The following DGKE variants were observed in gnomAD, a reference collection of about 807,000 sequenced individuals.
The protein encoded by DGKE is diacylglycerol kinase epsilon, also known as DAG kinase epsilon.
In DGKE, 53 loss-of-function variants were observed where a neutral mutation model predicts 70.0. That is an observed-to-expected ratio of 0.76 (90% CI 0.61 to 0.95). The LOEUF (loss-of-function observed/expected upper bound fraction) is 0.95, where lower values mean the gene tolerates loss of function less well. Among genes scored for constraint, DGKE ranks in the 40% least tolerant of loss-of-function variants. DGKE has a pLI of 0.00. For missense variants in DGKE, 655 were observed against 706.9 expected (o/e 0.93, Z 0.83); for synonymous variants, 291 against 257.0 (o/e 1.13, Z -1.27).
intron 6 of DGKE, 140 bp from the exon 7 acceptor site, chr17:56,849,041 T>G: frequency 8.6e-7 from 1 of 1,166,664 alleles, no homozygotes; most frequent in Non-Finnish European, 1.2e-6. Flanking sequence ...CACTGAGTAC[T>G]TATCCCTAAA....
intron 10 of DGKE, 69 bp downstream of exon 10, chr17:56,861,987 T>G: frequency 1.3e-6 from 2 of 1,545,312 alleles, no homozygotes; most frequent in Non-Finnish European, 1.7e-6. Flanking sequence ...TTTATAGACT[T>G]TAACATTTTT....
rs1046385451 is a variant in DGKE at position 56,863,523 on chromosome 17, T to C, written c.*732T>C. On this transcript the variant is annotated 3_prime_UTR_variant, in exon 12 of 12. Coordinates refer to ENST00000284061, the MANE Select transcript of DGKE (RefSeq NM_003647.3). ...GGTAAGAAATAAGATTCAGAGCACT[T>C]GGGATTGTAAGTTATAGGTTCTGAG... The C allele has an allele frequency of 6.6e-6, 1 of 152,168 alleles. No homozygotes were observed. The highest frequency in any genetic ancestry group is 2.4e-5 in the African/African-American group (1 of 41,436). 9.4% of individuals were successfully genotyped at this position (152,168 alleles called of 1,614,324 possible). A position where few individuals can be genotyped will look rare whatever the true frequency, so the allele number is the denominator to read the frequency against.
At chr17:56,855,703 A>T (rs1240251517) in intron 7 of DGKE, among the ~76,000 whole-genome samples, 7 of 152,126 alleles carry the variant, frequency 4.6e-5, no homozygotes, top group Admixed American at 1.3e-4. Context: ...TTTGGTTTAG[A>T]GAAGATTAGC....
Position 56,835,179 on chromosome 17 carries a change from CCGGGGCAACGTGCCCCT to C in DGKE, c.385_401del (p.Arg129ValfsTer31). On this transcript the variant is annotated frameshift_variant, in exon 2 of 12. Transcript: ENST00000284061. LOFTEE classifies it high-confidence loss of function. ...TGGACGCCATGCCCCACCACTGGAT[CCGGGGCAACGTGCCCCT>C]GTGCAGTTACTGTATGGTTTGCAAG... The C allele has an allele frequency of 6.2e-7, 1 of 1,614,126 alleles. No homozygotes were observed. Among genetic ancestry groups the C allele is most frequent in the Non-Finnish European group, 8.5e-7 (1 of 1,180,046 alleles).
In DGKE at chr17:56,864,422, G is replaced by A. The variant is rs751407024; in HGVS notation, c.*1631G>A. The A allele has an allele frequency of 2.0e-5, 3 of 152,160 alleles. No homozygotes were observed. The highest frequency in any genetic ancestry group is 2.9e-5 in the Non-Finnish European group (2 of 68,044). 9.4% of individuals were successfully genotyped at this position (152,160 alleles called of 1,614,324 possible). ...AAAGAGCAACTTAGTAATGTATACAGTAGTCAGTACATTTTATGAAATACT... is the reference window on the plus strand; with the variant it reads ...AAAGAGCAACTTAGTAATGTATACAATAGTCAGTACATTTTATGAAATACT... On this transcript the variant is annotated 3_prime_UTR_variant, in exon 12 of 12. Coordinates refer to ENST00000284061, the MANE Select transcript of DGKE (RefSeq NM_003647.3).
rs768623816 is a variant in DGKE at position 56,856,576 on chromosome 17, C to G, written c.1163C>G (p.Ala388Gly). Residue 388 changes from alanine to glycine, a missense_variant, in exon 8 of 12, where the codon GCT becomes GGT. Transcript: ENST00000284061. ...PDALMALNFH[A>G]HREKAPSLFS... ...GCTCTCATGGCTCTCAATTTTCATG[C>G]TCATCGTGAGAAGGCACCATCTCTG... 10 of 1,613,844 alleles carry G rather than the reference C, an allele frequency of 6.2e-6. No individual in the cohort carries two copies. Among genetic ancestry groups the G allele is most frequent in the Non-Finnish European group, 8.5e-6 (10 of 1,179,904 alleles).
In DGKE at chr17:56,866,874, C is replaced by T. The variant is rs1389163993; in HGVS notation, c.*4083C>T. ...GCCACTACTATAATGACTTTGTCAC[C>T]TAATTGATTTTCTACTAATTTTTAC... On this transcript the variant is annotated 3_prime_UTR_variant, in exon 12 of 12. Coordinates refer to ENST00000284061, the MANE Select transcript of DGKE (RefSeq NM_003647.3). The T allele has an allele frequency of 6.6e-6, 1 of 152,184 alleles. No homozygotes were observed. The highest frequency in any genetic ancestry group is 2.4e-5 in the African/African-American group (1 of 41,442). 9.4% of individuals were successfully genotyped at this position (152,184 alleles called of 1,614,324 possible).
chr17:56,862,434 G>C (rs944074221), intron 11 of DGKE, 178 bp from the exon 12 acceptor site: 2 of 855,536 alleles, frequency 2.3e-6, no homozygotes, highest in Non-Finnish European at 3.5e-6. Flanking sequence ...AGATCCATGA[G>C]ATAAAACGTT....
At chr17:56,853,728 C>T (rs1907782144) in intron 7 of DGKE, among the ~76,000 whole-genome samples, 1 of 152,118 alleles carries the variant, frequency 6.6e-6, no homozygotes. Flanking sequence ...CAAATTAGTA[C>T]AACCATTTTG....
intron 3 of DGKE, among the ~76,000 whole-genome samples, chr17:56,845,181 C>G (rs912954391): frequency 6.6e-6 from 1 of 152,060 alleles, no homozygotes; most frequent in African/African-American, 2.4e-5. Flanking sequence ...TTTCATTTGA[C>G]TTTGAGCTAT....
At chr17:56,854,930 G>A (rs965212503) in intron 7 of DGKE, among the ~76,000 whole-genome samples, 1 of 152,106 alleles carries the variant, frequency 6.6e-6, no homozygotes, top group Non-Finnish European at 1.5e-5. Context: ...CTCTATAGAA[G>A]AACATCCAAA....
At position 56,868,287 on chromosome 17, in the gene DGKE, C is replaced by G. The variant is rs1004830638; in HGVS notation, c.*5496C>G. On this transcript the variant is annotated 3_prime_UTR_variant, in exon 12 of 12. Coordinates refer to ENST00000284061, the MANE Select transcript of DGKE (RefSeq NM_003647.3). ...CGTTTGTTCTCAGTCCAGTTCAGGG[C>G]TCTGCCAGCAGTCTTTCAGATCTGA... 3 of 152,262 alleles carry G rather than the reference C, an allele frequency of 2.0e-5. No homozygotes were observed. Among genetic ancestry groups the G allele is most frequent in the Non-Finnish European group, 4.4e-5 (3 of 68,058 alleles). 9.4% of individuals were successfully genotyped at this position (152,262 alleles called of 1,614,324 possible). A position where few individuals can be genotyped will look rare whatever the true frequency, so the allele number is the denominator to read the frequency against.
Position 56,848,166 on chromosome 17 carries a change from G to T in DGKE, c.888+101G>T, listed in dbSNP as rs150176020. On this transcript the variant is annotated intron_variant, in intron 5 of 11. Transcript: ENST00000284061. ...TTGTTGTTGTTTTGTTGTTGTTGTT[G>T]TTTTTTCTTGAGATACAGTCTCGCA... 1,632 of 811,504 alleles carry T rather than the reference G, an allele frequency of 2.0e-3. 10 individuals carry two copies. The Middle Eastern group carries it at 0.025, about 12-fold the overall frequency. 50.3% of individuals were successfully genotyped at this position (811,504 alleles called of 1,614,324 possible).
chr17:56,834,647 GGC>G, intron 1 of DGKE, 129 bp from the exon 2 acceptor site: 1 of 855,694 alleles, frequency 1.2e-6, no homozygotes. Flanking sequence ...GGGGGGACGA[GGC>G]GCAGTCCCGC....
At position 56,862,207 on chromosome 17, in the gene DGKE, A is replaced by T. The variant is rs1388934422; in HGVS notation, c.1480A>T (p.Lys494Ter). Reference sequence around the variant, plus strand: ...TTTCCACTGTGCTCAGATTCAAGTAAAACTGGCTAATCCTTTTCGAATAGG... The same window carrying T: ...TTTCCACTGTGCTCAGATTCAAGTATAACTGGCTAATCCTTTTCGAATAGG... The part of the protein sequence containing the change: ...GSFHCAQIQV[K>*]LANPFRIGQA... The change falls in exon 11 of 12, where the codon AAA becomes TAA. Residue 494 changes from lysine to a stop codon, truncating the protein, a stop_gained. Transcript: ENST00000284061. LOFTEE classifies it high-confidence loss of function. 2 of 1,614,066 alleles carry T rather than the reference A, an allele frequency of 1.2e-6. No individual in the cohort carries two copies. Among genetic ancestry groups the T allele is most frequent in the Non-Finnish European group, 1.7e-6 (2 of 1,180,038 alleles).
chr17:56,860,034 G>A (rs1243230719), intron 9 of DGKE, among the ~76,000 whole-genome samples: 1 of 152,138 alleles, frequency 6.6e-6, no homozygotes, highest in Non-Finnish European at 1.5e-5. Context: ...CCTAGGCTTT[G>A]ATGGTAGAGT....
chr17:56,849,298 G>A (rs1233641020), intron 7 of DGKE, 66 bp downstream of exon 7: 1 of 1,417,082 alleles, frequency 7.1e-7, no homozygotes, highest in Non-Finnish European at 9.8e-7. Context: ...GCACTCTGTG[G>A]TGGGATACAG....
chr17:56,861,438 A>G (rs1026442092), intron 9 of DGKE, among the ~76,000 whole-genome samples: 3 of 152,316 alleles, frequency 2.0e-5, no homozygotes, highest in South Asian at 2.1e-4. Flanking sequence ...CCTGAGAAGG[A>G]ACATCCAGGG....
chr17:56,863,607 G>T lies in DGKE; in HGVS notation c.*816G>T, dbSNP rs187993549. 1 of 152,190 alleles carries T rather than the reference G, an allele frequency of 6.6e-6. No homozygotes were observed. 9.4% of individuals were successfully genotyped at this position (152,190 alleles called of 1,614,324 possible). ...AGACAGTGTCAACACTTCAAAAAAC[G>T]TGCTTAAAGGAGACAACGGTGAGAT... On this transcript the variant is annotated 3_prime_UTR_variant, in exon 12 of 12. Coordinates refer to ENST00000284061, the MANE Select transcript of DGKE (RefSeq NM_003647.3).
Sources: allele counts gnomAD v4.1 joint callset (sites outside exome capture counted in the v4.1 genomes callset), GRCh38; gene constraint gnomAD v4.1.1; transcripts MANE v1.5; gene names NCBI Gene and HGNC (gene_info 2026-07-23, HGNC 2026-07-21).